Variants in ERC1 observed in about 807,000 individuals in gnomAD.
The protein encoded by ERC1 is RAB6 interacting protein 2.
A neutral mutation model predicts 132.0 loss-of-function variants in ERC1; 56 were observed. The observed-to-expected ratio is 0.42, with a 90% confidence interval of 0.34 to 0.53. ERC1 has a LOEUF of 0.53. Ranked by LOEUF, ERC1 falls within the 20% of genes least tolerant of loss-of-function variation. The probability of loss-of-function intolerance (pLI) is 0.03; values close to 1 mark genes in which losing one functional copy is unlikely to be tolerated. For synonymous variants in ERC1, 478 were observed against 476.1 expected (o/e 1.00, Z -0.05); for missense variants, 1,202 against 1,349.9 (o/e 0.89, Z 1.72).
intron 12 of ERC1, among the ~76,000 whole-genome samples, chr12:1,236,107 T>C (rs2075395048): frequency 6.6e-6 from 1 of 151,950 alleles, no homozygotes; most frequent in Non-Finnish European, 1.5e-5. Context: ...CAAAAACATG[T>C]AAACTATAAA....
intron 13 of ERC1, among the ~76,000 whole-genome samples, chr12:1,239,327 A>G (rs1332608520): frequency 2.0e-5 from 3 of 152,118 alleles, no homozygotes; most frequent in Non-Finnish European, 4.4e-5. Flanking sequence ...AAGTGCTAGG[A>G]CTATAGGCGT....
chr12:1,329,621 G>A (rs2082721500), intron 15 of ERC1, among the ~76,000 whole-genome samples: 1 of 152,180 alleles, frequency 6.6e-6, no homozygotes, highest in South Asian at 2.1e-4. Context: ...AGAAGGAACA[G>A]ATCCGTAACT....
rs904931295 is a variant in ERC1 at position 1,138,296 on chromosome 12, T to G, written c.1570-3324T>G. Among the ~76,000 whole-genome samples, 4 of 138,156 alleles carry G rather than the reference T, an allele frequency of 2.9e-5. No homozygotes were observed. In the South Asian group the frequency reaches 8.6e-4, roughly 30 times the overall value. 90.6% of individuals were successfully genotyped at this position (138,156 alleles called of 152,430 possible). Reference sequence around the variant, plus strand: ...ATTACAATATATGATATATATTATATAATATATGTTGTATATAATACATAT... The same window carrying G: ...ATTACAATATATGATATATATTATAGAATATATGTTGTATATAATACATAT... On this transcript the variant is annotated intron_variant, in intron 7 of 18. Coordinates refer to ENST00000360905, the MANE Select transcript of ERC1 (RefSeq NM_178040.4).
intron 17 of ERC1, among the ~76,000 whole-genome samples, chr12:1,429,738 C>T (rs550370960): frequency 5.6e-4 from 86 of 152,294 alleles, no homozygotes; most frequent in Non-Finnish European, 9.8e-4. Flanking sequence ...GACACTTGAG[C>T]TAACTCTTGA....
intron 2 of ERC1, among the ~76,000 whole-genome samples, chr12:1,076,074 T>A (rs527654264): frequency 6.6e-6 from 1 of 152,364 alleles, no homozygotes; most frequent in African/African-American, 2.4e-5. Context: ...TTTATCTGTG[T>A]TCCTTTTGTC....
intron 18 of ERC1, among the ~76,000 whole-genome samples, chr12:1,455,589 C>T (rs1326054000): frequency 6.6e-6 from 1 of 152,162 alleles, no homozygotes; most frequent in Non-Finnish European, 1.5e-5. Flanking sequence ...GACAGGAAGC[C>T]TTGTTAGTGC....
chr12:1,065,833 T>C (rs1028846920), intron 2 of ERC1, among the ~76,000 whole-genome samples: 10 of 152,112 alleles, frequency 6.6e-5, no homozygotes, highest in Admixed American at 2.6e-4. Flanking sequence ...TATTCAGCCA[T>C]GAAAAGGAAT....
At chr12:1,396,900 C>T (rs747623211) in intron 16 of ERC1, among the ~76,000 whole-genome samples, 19 of 152,220 alleles carry the variant, frequency 1.2e-4, no homozygotes, top group Admixed American at 2.0e-4. Flanking sequence ...TTCAGTCAAA[C>T]GCCTACCAGT....
chr12:1,337,433 C>A lies in ERC1; in HGVS notation c.2781-34400C>A, dbSNP rs371888838. ...TTATTTATTTTGAGTCTGTGGGTGT[C>A]ATTGCATACGAAATGGGCCTCTTGA... On this transcript the variant is annotated intron_variant, in intron 15 of 18. Coordinates refer to ENST00000360905, the MANE Select transcript of ERC1 (RefSeq NM_178040.4). Among the ~76,000 whole-genome samples the A allele has an allele frequency of 7.9e-5, 12 of 151,680 alleles. No individual in the cohort carries two copies. The South Asian group carries it at 1.7e-3, about 21-fold the overall frequency.
At chr12:1,243,240 A>C (rs1264695857) in intron 13 of ERC1, among the ~76,000 whole-genome samples, 2 of 152,204 alleles carry the variant, frequency 1.3e-5, no homozygotes, top group Non-Finnish European at 2.9e-5. Context: ...GATGATTTAA[A>C]ATATATGCGA....
chr12:1,212,074 TC>T (rs1957933847), intron 12 of ERC1, among the ~76,000 whole-genome samples: 4 of 152,332 alleles, frequency 2.6e-5, no homozygotes, highest in South Asian at 2.1e-4. Flanking sequence ...TCATTATGTT[TC>T]CCTTTCAGCT....
intron 18 of ERC1, among the ~76,000 whole-genome samples, chr12:1,458,418 G>A (rs935208262): frequency 2.0e-5 from 3 of 151,918 alleles, no homozygotes; most frequent in African/African-American, 7.3e-5. Context: ...GTTTTTAGAG[G>A]TATTGATATG....
intron 12 of ERC1, among the ~76,000 whole-genome samples, chr12:1,235,423 ATACT>A (rs1390036741): frequency 6.6e-6 from 1 of 152,256 alleles, no homozygotes; most frequent in East Asian, 1.9e-4. Context: ...CTAGAAGAAA[ATACT>A]TACATAACAT....
intron 16 of ERC1, among the ~76,000 whole-genome samples, chr12:1,388,251 G>A (rs144075443): frequency 0.031 from 4,654 of 151,340 alleles, 80 homozygotes; most frequent in Middle Eastern, 0.072. Context: ...CGGAGAGGCT[G>A]AGGCAGGAGA....
chr12:1,279,735 CCGGACTG>C (rs879493584), intron 14 of ERC1, among the ~76,000 whole-genome samples: 45 of 151,382 alleles, frequency 3.0e-4, no homozygotes, highest in Non-Finnish European at 5.6e-4. Flanking sequence ...GTCGCCCAGG[CCGGACTG>C]CGGACTGCAG....
intron 15 of ERC1, among the ~76,000 whole-genome samples, chr12:1,348,027 A>G (rs533977403): frequency 6.6e-6 from 1 of 152,254 alleles, no homozygotes; most frequent in Admixed American, 6.5e-5. Context: ...GGTTTCTTGT[A>G]TGTCTCTCCA....
At chr12:1,471,692 G>T (rs1019819482) in intron 18 of ERC1, among the ~76,000 whole-genome samples, 3 of 152,192 alleles carry the variant, frequency 2.0e-5, no homozygotes, top group African/African-American at 7.2e-5. Context: ...CTCAGTTGTT[G>T]ACTTTCACAA....
In ERC1 at chr12:1,189,991, A is replaced by G. The variant is rs1451752225; in HGVS notation, c.2290A>G (p.Ile764Val). ...AQAEVDRLLE[I>V]LKEVENEKND... ...GGCAGAAGTTGATCGACTCTTAGAA[A>G]TCTTGAAGGAGGTGGAAAATGAGAA... Residue 764 changes from isoleucine (I) to valine (V), a missense_variant, in exon 12 of 19, where the codon ATC (isoleucine) becomes GTC (valine). Coordinates refer to ENST00000360905, the MANE Select transcript of ERC1 (RefSeq NM_178040.4). 6.2e-7 allele frequency: 1 copy of G among 1,614,102 alleles called. No homozygotes were observed. The highest frequency in any genetic ancestry group is 1.3e-5 in the African/African-American group (1 of 75,048).
intron 8 of ERC1, among the ~76,000 whole-genome samples, chr12:1,171,021 A>G (rs1315939908): frequency 6.6e-6 from 1 of 152,214 alleles, no homozygotes. Context: ...TTTTACAGTT[A>G]AAGTGATGAG....
Sources: gnomAD v4.1 joint callset for allele counts (sites outside exome capture counted in the v4.1 genomes callset) on GRCh38, gnomAD v4.1.1 for gene constraint, MANE v1.5 for transcripts, NCBI Gene and HGNC (gene_info 2026-07-23, HGNC 2026-07-21) for gene names.